CCDC6: variants seen among roughly 807,000 people sequenced by gnomAD.
CCDC6 encodes the protein coiled-coil domain containing 6, also known as coiled-coil domain-containing protein 6.
CCDC6 carries 20 observed loss-of-function variants against 56.6 expected under a neutral mutation model. The ratio of observed to expected loss-of-function variants is 0.35; its 90% CI spans 0.25 to 0.51. The LOEUF (loss-of-function observed/expected upper bound fraction) is 0.51, where lower values mean the gene tolerates loss of function less well. CCDC6 is among the 20% of genes least tolerant of loss of function. CCDC6 has a pLI of 0.95. For missense variants in CCDC6, 367 were observed against 601.1 expected, an observed-to-expected ratio of 0.61 and a Z score of 4.07; for synonymous variants, 241 against 234.4, an observed-to-expected ratio of 1.03 and a Z score of -0.26.
At chr10:59,904,497 G>A (rs1004787213) in intron 1 of CCDC6, among the ~76,000 whole-genome samples, 3 of 152,142 alleles carry the variant, frequency 2.0e-5, no homozygotes, top group Admixed American at 1.3e-4. Context: ...CAGTCTCCAA[G>A]AGACTAACCC....
At position 59,888,012 on chromosome 10, in the gene CCDC6, G is replaced by A. The variant is rs369664688; in HGVS notation, c.303+18110C>T. Among the ~76,000 whole-genome samples the A allele has an allele frequency of 2.2e-4, 33 of 152,266 alleles. 1 individual carries two copies. Among genetic ancestry groups the A allele is most frequent in the African/African-American group, 6.7e-4 (28 of 41,532 alleles). On this transcript the variant is annotated intron_variant, in intron 1 of 8. Transcript: ENST00000263102. ...CACTACCTACTCCCACAGACTTGCC[G>A]TGAGACTCAAATGAAATAATTTAGC...
intron 1 of CCDC6, among the ~76,000 whole-genome samples, chr10:59,876,502 C>CT (rs10714987): frequency 5.0e-4 from 74 of 149,340 alleles, no homozygotes; most frequent in East Asian, 1.2e-3. Flanking sequence ...CCAGGTGTGA[C>CT]TTTTTTTTCC....
At chr10:59,801,900 T>C (rs2070579543) in intron 7 of CCDC6, among the ~76,000 whole-genome samples, 1 of 152,224 alleles carries the variant, frequency 6.6e-6, no homozygotes, top group Admixed American at 6.5e-5. Context: ...CACTACAAGT[T>C]ATCTCACCCA....
At chr10:59,795,905 T>C (rs2070514074) in intron 7 of CCDC6, among the ~76,000 whole-genome samples, 1 of 152,256 alleles carries the variant, frequency 6.6e-6, no homozygotes, top group South Asian at 2.1e-4. Flanking sequence ...GTTCCAAGTC[T>C]TTGCTATTGT....
At chr10:59,827,146 G>C (rs2132640674) in intron 3 of CCDC6, among the ~76,000 whole-genome samples, 1 of 152,254 alleles carries the variant, frequency 6.6e-6, no homozygotes, top group South Asian at 2.1e-4. Flanking sequence ...TCCAGGCAGA[G>C]GAAACAGATC....
intron 1 of CCDC6, among the ~76,000 whole-genome samples, chr10:59,884,644 A>C: frequency 8.1e-6 from 1 of 123,390 alleles, no homozygotes; most frequent in African/African-American, 2.5e-5. Context: ...GAGATGTGTA[A>C]AGTAGAAAAA....
At chr10:59,799,300 C>T (rs1028571026) in intron 7 of CCDC6, among the ~76,000 whole-genome samples, 26 of 151,914 alleles carry the variant, frequency 1.7e-4, no homozygotes, top group South Asian at 4.2e-4. Context: ...GGCATGGTGG[C>T]GGGTGCCTGT....
chr10:59,871,516 G>C (rs1161765361), intron 1 of CCDC6, among the ~76,000 whole-genome samples: 1 of 141,854 alleles, frequency 7.0e-6, no homozygotes, highest in African/African-American at 2.6e-5. Flanking sequence ...CTGATGCCCA[G>C]ACCCTTGCCC....
At chr10:59,820,954 TTATGTCTAATGC>T (rs2070745538) in intron 3 of CCDC6, among the ~76,000 whole-genome samples, 1 of 151,954 alleles carries the variant, frequency 6.6e-6, no homozygotes, top group African/African-American at 2.4e-5. Context: ...TCAGCTTAGG[TTATGTCTAATGC>T]TATGTCTAAA....
In CCDC6 at chr10:59,816,466, T is replaced by A. The variant is rs75576707; in HGVS notation, c.583-1711A>T. Among the ~76,000 whole-genome samples, 709 of 152,300 alleles carry A rather than the reference T, an allele frequency of 4.7e-3. 5 individuals are homozygous for A. The highest frequency in any genetic ancestry group is 0.016 in the African/African-American group (665 of 41,574). ...GGGGGGAGACTCCTGTAATTACACT[T>A]CTGTCTTATGATCATAGACTTTGAG... On this transcript the variant is annotated intron_variant, in intron 3 of 8. Coordinates refer to ENST00000263102, the MANE Select transcript of CCDC6 (RefSeq NM_005436.5).
chr10:59,842,128 T>C (rs7068104), intron 2 of CCDC6, among the ~76,000 whole-genome samples: 78,089 of 151,592 alleles, frequency 0.52, 21,857 homozygotes, highest in African/African-American at 0.75. Flanking sequence ...ATGCAACCTC[T>C]GCCTCCTGGT....
chr10:59,805,611 G>A (rs558571007), intron 6 of CCDC6: 58 of 152,308 alleles, frequency 3.8e-4, no homozygotes, highest in African/African-American at 1.4e-3. Flanking sequence ...AAGCTATTTA[G>A]TATTCTAGCT....
chr10:59,845,372 G>GTTTTTTTAT (rs2070983070), intron 2 of CCDC6, among the ~76,000 whole-genome samples: 1 of 114,194 alleles, frequency 8.8e-6, no homozygotes. Context: ...TTTTTTTTGG[G>GTTTTTTTAT]ATGTTAGCAC....
At chr10:59,883,579 A>C (rs1285449107) in intron 1 of CCDC6, among the ~76,000 whole-genome samples, 1 of 152,206 alleles carries the variant, frequency 6.6e-6, no homozygotes, top group African/African-American at 2.4e-5. Flanking sequence ...ACAGGGAAAA[A>C]CTTAATGAAT....
chr10:59,886,361 C>T (rs1171816), intron 1 of CCDC6, among the ~76,000 whole-genome samples: 96,613 of 152,004 alleles, frequency 0.64, 31,147 homozygotes, highest in East Asian at 0.85. Context: ...TTCAAGATCT[C>T]ATATGAAATA....
At position 59,848,037 on chromosome 10, in the gene CCDC6, T is replaced by C. The variant is rs118099556; in HGVS notation, c.453+4516A>G. On this transcript the variant is annotated intron_variant, in intron 2 of 8. Transcript: ENST00000263102. Reference sequence around the variant, plus strand: ...CCAAAGATGTGCACAACATGTTAACTAGCATTGTTTAAATGGTTCCAGTCT... The same window carrying C: ...CCAAAGATGTGCACAACATGTTAACCAGCATTGTTTAAATGGTTCCAGTCT... Among the ~76,000 whole-genome samples the C allele has an allele frequency of 2.0e-3, 304 of 152,188 alleles. 1 individual carries two copies. The highest frequency in any genetic ancestry group is 3.4e-3 in the Non-Finnish European group (232 of 68,004).
chr10:59,834,550 G>A (rs182630411), intron 2 of CCDC6, among the ~76,000 whole-genome samples: 2 of 148,484 alleles, frequency 1.3e-5, no homozygotes, highest in African/African-American at 2.5e-5. Context: ...GCAACAGAGC[G>A]AGACTCTGTC....
intron 3 of CCDC6, among the ~76,000 whole-genome samples, chr10:59,830,358 T>C (rs2132642602): frequency 6.6e-6 from 1 of 152,228 alleles, no homozygotes; most frequent in South Asian, 2.1e-4. Context: ...TCAGATCATA[T>C]CCATGGAAAC....
intron 2 of CCDC6, among the ~76,000 whole-genome samples, chr10:59,836,709 T>C (rs2070886292): frequency 6.6e-6 from 1 of 152,252 alleles, no homozygotes; most frequent in Non-Finnish European, 1.5e-5. Context: ...TCAAAGATTA[T>C]GGAACAGTTT....
Sources: gnomAD v4.1 joint callset for allele counts (sites outside exome capture counted in the v4.1 genomes callset) on GRCh38, gnomAD v4.1.1 for gene constraint, MANE v1.5 for transcripts, NCBI Gene and HGNC (gene_info 2026-07-23, HGNC 2026-07-21) for gene names.